Variants in PPIC observed in about 807,000 individuals in gnomAD.
The protein encoded by PPIC is peptidylprolyl isomerase C.
In PPIC, 19 loss-of-function variants were observed where a neutral mutation model predicts 19.5. The ratio of observed to expected loss-of-function variants is 0.98; its 90% CI spans 0.68 to 1.43. The LOEUF (loss-of-function observed/expected upper bound fraction) is 1.43. PPIC is among the 40% of genes most tolerant of loss of function. The pLI is 0.00. For synonymous variants in PPIC, 107 were observed against 101.2 expected, an observed-to-expected ratio of 1.06 and a Z score of -0.34; for missense variants, 268 against 268.6, an observed-to-expected ratio of 1.00 and a Z score of 0.02.
At position 123,029,033 on chromosome 5, in the gene PPIC, C is replaced by A; in HGVS notation, c.232-165G>T. ...TGAGAGAAATTTATCATTAGCTGAC[C>A]AAAAAATAAATATGTTATGGAAGTA... On this transcript the variant is annotated intron_variant, in intron 2 of 4. Coordinates refer to ENST00000306442, the MANE Select transcript of PPIC (RefSeq NM_000943.5). The A allele has an allele frequency of 9.7e-6, 8 of 824,504 alleles. No individual in the cohort carries two copies. The South Asian group carries it at 1.3e-4, about 14-fold the overall frequency. The allele number at this position is 824,504 out of a possible 1,614,324, so 51.1% of individuals were successfully genotyped here. A position where few individuals can be genotyped will look rare whatever the true frequency, so the allele number is the denominator to read the frequency against.
At chr5:123,026,966 G>A (rs1368157493) in intron 3 of PPIC, among the ~76,000 whole-genome samples, 4 of 152,080 alleles carry the variant, frequency 2.6e-5, no homozygotes, top group African/African-American at 4.8e-5. Context: ...AGGCTGAGGC[G>A]GGCAGATCGC....
chr5:123,023,986 T>C lies in PPIC; in HGVS notation c.528A>G (p.Ile176Met). 1 of 1,613,504 alleles carries C rather than the reference T, an allele frequency of 6.2e-7. No homozygotes were observed. The highest frequency in any genetic ancestry group is 8.5e-7 in the Non-Finnish European group (1 of 1,179,642). Reference sequence around the variant, plus strand: ...CATGCCCATCAGTTGCTTGGAGCTCTATGGAGTGCACCACTGTCTGGTGAG... The same window carrying C: ...CATGCCCATCAGTTGCTTGGAGCTCCATGGAGTGCACCACTGTCTGGTGAG... ...VIDGMTVVHS[I>M]ELQATDGHDR... is the part of the protein sequence containing the mutation. The change falls in exon 5 of 5, where the codon ATA becomes ATG. Residue 176 changes from isoleucine (I) to methionine (M), a missense_variant. Physicochemically the swap from Ile to Met is conservative, Grantham distance 10. Coordinates refer to ENST00000306442, the MANE Select transcript of PPIC (RefSeq NM_000943.5).
chr5:123,033,136 C>T lies in PPIC; in HGVS notation c.117+3373G>A, dbSNP rs564596187. On this transcript the variant is annotated intron_variant, in intron 1 of 4. Transcript: ENST00000306442. Reference sequence around the variant, plus strand: ...CAGCAAGTTAATTAAACTCTGAACTCCCTTTCTTCATCTGTAAAATAAATG... The same window carrying T: ...CAGCAAGTTAATTAAACTCTGAACTTCCTTTCTTCATCTGTAAAATAAATG... 2.4e-4 allele frequency among the ~76,000 whole-genome samples: 37 copies of T among 152,328 alleles called. 1 individual carries two copies. In the South Asian group the frequency reaches 7.7e-3, roughly 32 times the overall value.
At chr5:123,027,813 G>T (rs1762883021) in intron 3 of PPIC, among the ~76,000 whole-genome samples, 1 of 152,010 alleles carries the variant, frequency 6.6e-6, no homozygotes, top group Admixed American at 6.5e-5. Context: ...TAAATCTAAA[G>T]TAAATTTAAA....
rs1208102530 is a variant in PPIC at position 123,036,562 on chromosome 5, A to G, written c.64T>C (p.Phe22Leu). The change falls in exon 1 of 5, where the codon TTT becomes CTT. Residue 22 changes from phenylalanine (F) to leucine (L), a missense_variant. Coordinates refer to ENST00000306442, the MANE Select transcript of PPIC (RefSeq NM_000943.5). This position sits in a 1 kb window ranked among gnomAD's most constrained non-coding sequence, Gnocchi z 4.5. ...VLCVGLGALV[F>L]SSGAEGFRKR... ...CGGAAGCCCTCGGCCCCCGAAGAAA[A>G]CACAAGTGCGCCGAGCCCCACGCAA... 5 of 1,603,432 alleles carry G rather than the reference A, an allele frequency of 3.1e-6. No individual in the cohort carries two copies. The highest frequency in any genetic ancestry group is 3.4e-5 in the Admixed American group (2 of 58,814).
At position 123,029,291 on chromosome 5, in the gene PPIC, A is replaced by G. The variant is rs368477772; in HGVS notation, c.231+14T>C. The G allele has an allele frequency of 3.3e-4, 529 of 1,614,008 alleles. 1 individual carries two copies. Among genetic ancestry groups the G allele is most frequent in the Non-Finnish European group, 4.3e-4 (507 of 1,179,998 alleles). ...AAGAAGACCCAATTTAAAGGAAATA[A>G]AATTGAGACATACCTCTCCTGTTGC... On this transcript the variant is annotated intron_variant, in intron 2 of 4. Transcript: ENST00000306442.
At chr5:123,031,174 CATTTT>C (rs1171684576) in intron 1 of PPIC, among the ~76,000 whole-genome samples, 1 of 152,178 alleles carries the variant, frequency 6.6e-6, no homozygotes, top group African/African-American at 2.4e-5. Context: ...AATCCAATCT[CATTTT>C]GTCAATAAGT....
intron 1 of PPIC, among the ~76,000 whole-genome samples, chr5:123,031,349 C>T (rs984298582): frequency 2.0e-5 from 3 of 152,140 alleles, no homozygotes; most frequent in African/African-American, 4.8e-5. Context: ...TATGCCCAGG[C>T]CTGCAGGAAC....
At position 123,036,396 on chromosome 5, in the gene PPIC, T is replaced by A; in HGVS notation, c.117+113A>T. The A allele has an allele frequency of 9.1e-5, 80 of 882,178 alleles. No individual in the cohort carries two copies. The highest frequency in any genetic ancestry group is 7.4e-4 in the Middle Eastern group (2 of 2,704). 54.6% of individuals were successfully genotyped at this position (882,178 alleles called of 1,614,324 possible). A position where few individuals can be genotyped will look rare whatever the true frequency, so the allele number is the denominator to read the frequency against. On this transcript the variant is annotated intron_variant, in intron 1 of 4. Coordinates refer to ENST00000306442, the MANE Select transcript of PPIC (RefSeq NM_000943.5). This position sits in a 1 kb window ranked among gnomAD's most constrained non-coding sequence, Gnocchi z 4.5. Reference sequence around the variant, plus strand: ...GTCCCGCGGCCGCCTCCAGTCCCCCTGCGCCCGGGAAGCCTCCACCTCGCC... The same window carrying A: ...GTCCCGCGGCCGCCTCCAGTCCCCCAGCGCCCGGGAAGCCTCCACCTCGCC...
chr5:123,029,217 A>G, intron 2 of PPIC, 88 bp downstream of exon 2: 1 of 1,606,114 alleles, frequency 6.2e-7, no homozygotes, highest in Non-Finnish European at 8.5e-7. Flanking sequence ...TGACATACTA[A>G]TTTAATACTT....
At chr5:123,031,441 C>A (rs1182058249) in intron 1 of PPIC, among the ~76,000 whole-genome samples, 1 of 152,130 alleles carries the variant, frequency 6.6e-6, no homozygotes, top group African/African-American at 2.4e-5. Context: ...TGGGGGTGAG[C>A]CTTGCCTGGC....
intron 4 of PPIC, 108 bp from the exon 5 acceptor site, chr5:123,024,111 T>A: frequency 7.6e-7 from 1 of 1,308,382 alleles, no homozygotes; most frequent in Non-Finnish European, 1.0e-6. Context: ...GGAAATAAGG[T>A]TGGTTGGTTG....
chr5:123,023,831 C>CAT lies in PPIC; in HGVS notation c.*43_*44insAT, dbSNP rs1554081586. Reference sequence around the variant, plus strand: ...CAACACACACACACACACACACACACACACACCCCTGCCAAAGCATATCCT... The same window carrying CAT: ...CAACACACACACACACACACACACACATACACACCCCTGCCAAAGCATATCCT... On this transcript the variant is annotated 3_prime_UTR_variant, in exon 5 of 5. Coordinates refer to ENST00000306442, the MANE Select transcript of PPIC (RefSeq NM_000943.5). 7 of 1,606,930 alleles carry CAT rather than the reference C, an allele frequency of 4.4e-6. No individual in the cohort carries two copies. The African/African-American group carries it at 6.7e-5, about 15-fold the overall frequency.
chr5:123,024,823 G>A (rs1241944249), intron 4 of PPIC, among the ~76,000 whole-genome samples: 1 of 152,210 alleles, frequency 6.6e-6, no homozygotes, highest in Non-Finnish European at 1.5e-5. Flanking sequence ...ATGAAACATG[G>A]AAGAGGGAAA....
Position 123,036,535 on chromosome 5 carries a change from T to C in PPIC, c.91A>G (p.Lys31Glu), listed in dbSNP as rs763162328. 1.2e-6 allele frequency: 2 copies of C among 1,606,384 alleles called. No homozygotes were observed. Among genetic ancestry groups the C allele is most frequent in the South Asian group, 2.2e-5 (2 of 89,806 alleles). Reference sequence around the variant, plus strand: ...TTGGCCGTCACCGAGGGGCCTCGCTTGCGGAAGCCCTCGGCCCCCGAAGAA... The same window carrying C: ...TTGGCCGTCACCGAGGGGCCTCGCTCGCGGAAGCCCTCGGCCCCCGAAGAA... ...VFSSGAEGFR[K>E]RGPSVTAKVF... is the part of the protein sequence containing the mutation. The change falls in exon 1 of 5, where the codon AAG (lysine) becomes GAG (glutamate). Residue 31 changes from lysine (K) to glutamate (E), a missense_variant. Coordinates refer to ENST00000306442, the MANE Select transcript of PPIC (RefSeq NM_000943.5). This position sits in a 1 kb window ranked among gnomAD's most constrained non-coding sequence, Gnocchi z 4.5.
intron 1 of PPIC, among the ~76,000 whole-genome samples, chr5:123,034,324 G>A (rs546374528): frequency 6.6e-6 from 1 of 152,208 alleles, no homozygotes; most frequent in South Asian, 2.1e-4. Flanking sequence ...ATTTGGTAGG[G>A]GGAAAAAAGA....
chr5:123,034,442 C>G (rs1382977301), intron 1 of PPIC, among the ~76,000 whole-genome samples: 1 of 152,084 alleles, frequency 6.6e-6, no homozygotes, highest in Non-Finnish European at 1.5e-5. Flanking sequence ...CTGCAGCCAC[C>G]AGCTTCCTCC....
rs137956160 is a variant in PPIC at position 123,023,946 on chromosome 5, T to C, written c.568A>G (p.Asn190Asp). 1,211 of 1,614,054 alleles carry C rather than the reference T, an allele frequency of 7.5e-4. 1 individual carries two copies. The highest frequency in any genetic ancestry group is 9.4e-4 in the Non-Finnish European group (1,113 of 1,180,010). The change falls in exon 5 of 5, where the codon AAC becomes GAC. Residue 190 changes from asparagine to aspartate, a missense_variant. By Grantham distance (23) the Asn-to-Asp change is conservative. Coordinates refer to ENST00000306442, the MANE Select transcript of PPIC (RefSeq NM_000943.5). ...TTGCCACTGTTGATGATCGAGCAGTTGGTGAGTGGACGGTCATGCCCATCA... is the reference window on the plus strand; with the variant it reads ...TTGCCACTGTTGATGATCGAGCAGTCGGTGAGTGGACGGTCATGCCCATCA... ...ATDGHDRPLT[N>D]CSIINSGKID...
At chr5:123,029,245 C>A in intron 2 of PPIC, 60 bp downstream of exon 2, 1 of 1,613,490 alleles carries the variant, frequency 6.2e-7, no homozygotes, top group Middle Eastern at 1.7e-4. Flanking sequence ...CAGATGACAT[C>A]TTTATATTTG....
Sources: allele counts gnomAD v4.1 joint callset (sites outside exome capture counted in the v4.1 genomes callset), GRCh38; gene constraint gnomAD v4.1.1; non-coding constraint Gnocchi (gnomAD v3.1); transcripts MANE v1.5; gene names NCBI Gene and HGNC (gene_info 2026-07-23, HGNC 2026-07-21).